Variants in HCN4 observed in about 807,000 individuals in gnomAD.
HCN4 encodes the protein potassium/sodium hyperpolarization-activated cyclic nucleotide-gated channel 4.
Under a neutral mutation model 76.9 loss-of-function variants are expected in HCN4, and 29 were observed. The observed-to-expected ratio is 0.38, with a 90% CI of 0.28 to 0.51. The LOEUF is 0.51. Among genes scored for constraint, HCN4 ranks in the 20% least tolerant of loss-of-function variants. The probability of loss-of-function intolerance (pLI) is 0.90; values close to 1 mark genes in which losing one functional copy is unlikely to be tolerated. For missense variants in HCN4, 1,416 were observed against 1,715.2 expected (o/e 0.83, Z 3.08); for synonymous variants, 772 against 762.5 (o/e 1.01, Z -0.21).
At chr15:73,357,563 G>C (rs1179001458) in intron 1 of HCN4, among the ~76,000 whole-genome samples, 2 of 152,150 alleles carry the variant, frequency 1.3e-5, no homozygotes, top group African/African-American at 4.8e-5. Context: ...TGGGAGGAGA[G>C]CGTGGTTGAG....
In HCN4 at chr15:73,367,794, C is replaced by A; in HGVS notation, c.477G>T (p.Ala159=). The A allele has an allele frequency of 7.8e-7, 1 of 1,289,976 alleles. No homozygotes were observed. The highest frequency in any genetic ancestry group is 9.7e-7 in the Non-Finnish European group (1 of 1,027,824). The allele number at this position is 1,289,976 out of a possible 1,614,324, so 79.9% of individuals were successfully genotyped here. A position where few individuals can be genotyped will look rare whatever the true frequency, so the allele number is the denominator to read the frequency against. The change falls in exon 1 of 8, where the codon GCG becomes GCT. Residue 159 remains alanine (A), a synonymous_variant. Transcript: ENST00000261917. The surrounding 1 kb of genome is among the most constrained non-coding windows in gnomAD (Gnocchi z 7.5). ...AAEPERPGAS[A]QPAASPPPPQ... is the part of the protein sequence containing the mutation. ...GCGGCGGCGGCGAGGCTGCGGGCTG[C>A]GCCGAGGCGCCGGGGCGCTCGGGCT...
In HCN4 at chr15:73,323,663, TG is replaced by T; in HGVS notation, c.2429del (p.Pro810GlnfsTer17). The T allele has an allele frequency of 6.3e-7, 1 of 1,593,954 alleles. No individual in the cohort carries two copies. The highest frequency in any genetic ancestry group is 8.5e-7 in the Non-Finnish European group (1 of 1,171,710). On this transcript the variant is annotated frameshift_variant, in exon 8 of 8. Coordinates refer to ENST00000261917, the MANE Select transcript of HCN4 (RefSeq NM_005477.3). LOFTEE classifies it high-confidence loss of function. The stretch of plus-strand genomic sequence containing the variant: ...CACCGAGGTTGCCCAGCCCAGATCC[TG>T]GGGGAGGGCGGAAGATGGCAGCAGG... ...RLPAAIFRPP[P>X]GSGLGNLGAG...
At position 73,367,386 on chromosome 15, in the gene HCN4, G is replaced by C; in HGVS notation, c.785+100C>G. 3 of 1,562,134 alleles carry C rather than the reference G, an allele frequency of 1.9e-6. No homozygotes were observed. Among genetic ancestry groups the C allele is most frequent in the Non-Finnish European group, 2.6e-6 (3 of 1,152,496 alleles). ...CCCTGCCTCTCTTGGAGCTCCCAGCGCAAGGCAGGAAAGTTAACTCCGGCT... is the reference window on the plus strand; with the variant it reads ...CCCTGCCTCTCTTGGAGCTCCCAGCCCAAGGCAGGAAAGTTAACTCCGGCT... On this transcript the variant is annotated intron_variant, in intron 1 of 7. Transcript: ENST00000261917. The surrounding 1 kb of genome is among the most constrained non-coding windows in gnomAD (Gnocchi z 7.5).
At chr15:73,326,662 A>G (rs2042901209) in intron 4 of HCN4, among the ~76,000 whole-genome samples, 1 of 152,260 alleles carries the variant, frequency 6.6e-6, no homozygotes, top group Non-Finnish European at 1.5e-5. Flanking sequence ...GGGCAGACTT[A>G]GATATTAGCC....
intron 4 of HCN4, among the ~76,000 whole-genome samples, chr15:73,327,747 C>T (rs533859988): frequency 4.6e-5 from 7 of 152,286 alleles, no homozygotes; most frequent in African/African-American, 1.7e-4. Flanking sequence ...GCCACCACCC[C>T]TATGCTCATC....
intron 1 of HCN4, among the ~76,000 whole-genome samples, chr15:73,360,070 A>C (rs1435209877): frequency 6.6e-6 from 1 of 152,250 alleles, no homozygotes; most frequent in Non-Finnish European, 1.5e-5. Flanking sequence ...CCCAGCCACC[A>C]GACTCTGCAT....
At chr15:73,324,896 T>TC in intron 6 of HCN4, 59 bp downstream of exon 6, 1 of 1,606,522 alleles carries the variant, frequency 6.2e-7, no homozygotes, top group Non-Finnish European at 8.5e-7. Flanking sequence ...CCTCGGTATC[T>TC]CCCCAAACCA....
Position 73,368,025 on chromosome 15 carries a change from G to A in HCN4, c.246C>T (p.Arg82=), listed in dbSNP as rs775895751. 413 of 1,421,882 alleles carry A rather than the reference G, an allele frequency of 2.9e-4. 1 individual carries two copies. The highest frequency in any genetic ancestry group is 9.4e-5 in the Non-Finnish European group (103 of 1,094,984). 88.1% of individuals were successfully genotyped at this position (1,421,882 alleles called of 1,614,324 possible). ...CGTTCGTGCTGGACTTGCCCGCGCC[G>A]CGGGCCGGCCCTTCGCTGTCCGCTG... ...LGAADSEGPA[R]GAGKSSTNGD... Residue 82 remains arginine (R), a synonymous_variant, in exon 1 of 8, where the codon CGC becomes CGT. Transcript: ENST00000261917. The surrounding 1 kb of genome is among the most constrained non-coding windows in gnomAD (Gnocchi z 6.9).
At chr15:73,358,830 C>G (rs1490290789) in intron 1 of HCN4, among the ~76,000 whole-genome samples, 1 of 152,208 alleles carries the variant, frequency 6.6e-6, no homozygotes, top group Non-Finnish European at 1.5e-5. Context: ...CTCCAGGATG[C>G]CTTCCCTGAC....
intron 1 of HCN4, among the ~76,000 whole-genome samples, chr15:73,346,836 C>G (rs1470880661): frequency 6.6e-6 from 1 of 152,138 alleles, no homozygotes; most frequent in East Asian, 1.9e-4. Context: ...GACTACCTTT[C>G]CTTACTCCTT....
chr15:73,342,952 C>A (rs1024716860), intron 2 of HCN4, among the ~76,000 whole-genome samples: 2 of 152,234 alleles, frequency 1.3e-5, no homozygotes, highest in African/African-American at 4.8e-5. Flanking sequence ...TGGCCCTTTT[C>A]ACCCATCCCT....
intron 2 of HCN4, chr15:73,342,344 A>C (rs2043009752): frequency 1.3e-5 from 2 of 152,192 alleles, no homozygotes; most frequent in South Asian, 4.1e-4. Flanking sequence ...ATCCCTTTAC[A>C]GTTTCTGAGC....
chr15:73,329,587 G>C lies in HCN4; in HGVS notation c.1576C>G (p.Gln526Glu), dbSNP rs1474216387. The C allele has an allele frequency of 9.3e-6, 15 of 1,613,960 alleles. No individual in the cohort carries two copies. Among genetic ancestry groups the C allele is most frequent in the African/African-American group, 4.0e-5 (3 of 74,940 alleles). ...GGTAGACCTACCTTTTCCTGGTACTGGCGCCGGGAGGAGTCCAGGGACTGG... is the reference window on the plus strand; with the variant it reads ...GGTAGACCTACCTTTTCCTGGTACTCGCGCCGGGAGGAGTCCAGGGACTGG... ...LIQSLDSSRR[Q>E]YQEKYKQVEQ... is the part of the protein sequence containing the mutation. The change falls in exon 4 of 8, where the codon CAG becomes GAG. Residue 526 changes from glutamine to glutamate, a missense_variant. Physicochemically the swap from Gln to Glu is conservative, Grantham distance 29 (BLOSUM62 2). Coordinates refer to ENST00000261917, the MANE Select transcript of HCN4 (RefSeq NM_005477.3).
At chr15:73,359,624 C>T (rs146580021) in intron 1 of HCN4, among the ~76,000 whole-genome samples, 7 of 152,198 alleles carry the variant, frequency 4.6e-5, no homozygotes, top group Non-Finnish European at 1.0e-4. Flanking sequence ...AGACCAAACC[C>T]TTCCCTTGGC....
Position 73,367,743 on chromosome 15 carries a change from G to GGAGGCC in HCN4, c.522_527dup (p.Ala177_Ser178dup). 6.3e-7 allele frequency: 1 copy of GGAGGCC among 1,578,760 alleles called. No individual in the cohort carries two copies. The highest frequency in any genetic ancestry group is 2.0e-4 in the Middle Eastern group (1 of 4,914). On this transcript the variant is annotated inframe_insertion, in exon 1 of 8. Coordinates refer to ENST00000261917, the MANE Select transcript of HCN4 (RefSeq NM_005477.3). The surrounding 1 kb of genome is among the most constrained non-coding windows in gnomAD (Gnocchi z 7.5). ...CCACCGAGGGCTGCTCGCAGGAGGC[G>GGAGGCC]GAGGCCGGCTGCGGTGGCTGCTGGG...
chr15:73,353,445 G>A (rs2151224039), intron 1 of HCN4, among the ~76,000 whole-genome samples: 1 of 152,330 alleles, frequency 6.6e-6, no homozygotes, highest in East Asian at 1.9e-4. Context: ...GAGGGTGGTT[G>A]TCTGAAGAGC....
Position 73,325,040 on chromosome 15 carries a change from C to T in HCN4, c.1893G>A (p.Lys631=). The T allele has an allele frequency of 6.2e-7, 1 of 1,614,228 alleles. No homozygotes were observed. The highest frequency in any genetic ancestry group is 8.5e-7 in the Non-Finnish European group (1 of 1,180,050). Reference sequence around the variant, plus strand: ...CCACGCCATGCTGGATGAAGTACATCTTCTTGCCAATGGTGCCTTCCCGGA... The same window carrying T: ...CCACGCCATGCTGGATGAAGTACATTTTCTTGCCAATGGTGCCTTCCCGGA... The part of the protein sequence containing the change: ...YIIREGTIGK[K]MYFIQHGVVS... Residue 631 remains lysine (K), a synonymous_variant, in exon 6 of 8, where the codon AAG becomes AAA. Transcript: ENST00000261917. The surrounding 1 kb of genome is among the most constrained non-coding windows in gnomAD (Gnocchi z 7.4).
chr15:73,367,863 G>A lies in HCN4; in HGVS notation c.408C>T (p.Asp136=). 1 of 1,320,502 alleles carries A rather than the reference G, an allele frequency of 7.6e-7. No individual in the cohort carries two copies. Among genetic ancestry groups the A allele is most frequent in the Non-Finnish European group, 9.7e-7 (1 of 1,033,074 alleles). The allele number at this position is 1,320,502 out of a possible 1,614,324, so 81.8% of individuals were successfully genotyped here. The change falls in exon 1 of 8, where the codon GAC becomes GAT. Residue 136 remains aspartate, a synonymous_variant. Transcript: ENST00000261917. This position sits in a 1 kb window ranked among gnomAD's most constrained non-coding sequence, Gnocchi z 7.5. The stretch of plus-strand genomic sequence containing the variant: ...GCGTCCTGTCCTCGCCGGGGGACGC[G>A]TCGCCCTCGGCGATGAGCCGCCGCT... ...AEERRLIAEG[D]ASPGEDRTPP...
rs1166899822 is a variant in HCN4, at chr15:73,324,074, G to A, written c.2143+15C>T. On this transcript the variant is annotated intron_variant, in intron 7 of 7. Coordinates refer to ENST00000261917, the MANE Select transcript of HCN4 (RefSeq NM_005477.3). Reference sequence around the variant, plus strand: ...ACACCCCCCACCTGCCCCGCCTGTGGCCCCTCCCCCTCACCAATGCGGTCC... The same window carrying A: ...ACACCCCCCACCTGCCCCGCCTGTGACCCCTCCCCCTCACCAATGCGGTCC... 6.2e-7 allele frequency: 1 copy of A among 1,612,106 alleles called. No individual in the cohort carries two copies. Among genetic ancestry groups the A allele is most frequent in the South Asian group, 1.1e-5 (1 of 91,026 alleles).
Sources: gnomAD v4.1 joint callset for allele counts (sites outside exome capture counted in the v4.1 genomes callset) on GRCh38, gnomAD v4.1.1 for gene constraint, Gnocchi (gnomAD v3.1) non-coding constraint, MANE v1.5 for transcripts, NCBI Gene and HGNC (gene_info 2026-07-23, HGNC 2026-07-21) for gene names.